TMF1: variants seen among roughly 807,000 people sequenced by gnomAD.
TMF1 encodes the protein TATA element modulatory factor.
In TMF1, 71 loss-of-function variants were observed where a neutral mutation model predicts 126.5. The observed-to-expected ratio is 0.56, with a 90% CI of 0.46 to 0.68. The LOEUF is 0.68. TMF1 is among the 30% of genes least tolerant of loss of function. The pLI is 0.00. For missense variants in TMF1, 1,259 were observed against 1,253.2 expected (o/e 1.00, Z -0.07); for synonymous variants, 461 against 430.5 (o/e 1.07, Z -0.88).
rs1161056520 is a variant in TMF1 at position 69,038,560 on chromosome 3, T to C, written c.2151+4A>G. On this transcript the variant is annotated splice_donor_region_variant and intron_variant, in intron 8 of 16. Transcript: ENST00000398559. Reference sequence around the variant, plus strand: ...ACTACTCTAATTCATCATCCATTGCTTACTTGAATGGCTAATGTTTCTTGC... The same window carrying C: ...ACTACTCTAATTCATCATCCATTGCCTACTTGAATGGCTAATGTTTCTTGC... 3.7e-6 allele frequency: 6 copies of C among 1,610,866 alleles called. No homozygotes were observed. The highest frequency in any genetic ancestry group is 5.1e-6 in the Non-Finnish European group (6 of 1,179,100).
At chr3:69,025,934 A>G in intron 14 of TMF1, 62 bp downstream of exon 14, 1 of 1,395,002 alleles carries the variant, frequency 7.2e-7, no homozygotes, top group South Asian at 1.2e-5. Context: ...CAATATTGCC[A>G]TTTGCATATT....
At chr3:69,023,739 C>T (rs536183529) in intron 16 of TMF1, among the ~76,000 whole-genome samples, 1 of 152,218 alleles carries the variant, frequency 6.6e-6, no homozygotes, top group East Asian at 1.9e-4. Flanking sequence ...CCAGATGAGA[C>T]AATTGTGATG....
chr3:69,024,022 T>TCTTA (rs775898011), intron 16 of TMF1, 33 bp downstream of exon 16: 1 of 1,576,024 alleles, frequency 6.3e-7, no homozygotes, highest in South Asian at 1.2e-5. Flanking sequence ...AACTAAAATA[T>TCTTA]CTTAGACTCA....
chr3:69,047,860 G>T lies in TMF1; in HGVS notation c.845C>A (p.Ser282Ter). ...SASSRQETTD[S>*]KSSLHLMQTS... ...CTGCATCAAGTGAAGACTTGATTTTGAATCTGTAGTCTCTTGTCTCGAGCT... is the reference window on the plus strand; with the variant it reads ...CTGCATCAAGTGAAGACTTGATTTTTAATCTGTAGTCTCTTGTCTCGAGCT... Residue 282 changes from serine (S) to a stop codon, truncating the protein, a stop_gained, in exon 2 of 17, where the codon TCA becomes TAA. Transcript: ENST00000398559. LOFTEE classifies it high-confidence loss of function. 6.2e-7 allele frequency: 1 copy of T among 1,613,954 alleles called. No homozygotes were observed. Among genetic ancestry groups the T allele is most frequent in the South Asian group, 1.1e-5 (1 of 91,050 alleles).
In TMF1 at chr3:69,021,990, G is replaced by T. The variant is rs1371875988; in HGVS notation, c.*1187C>A. On this transcript the variant is annotated 3_prime_UTR_variant, in exon 17 of 17. Coordinates refer to ENST00000398559, the MANE Select transcript of TMF1 (RefSeq NM_007114.3). ...TGAGCCACAGCACCTGGCCGTAAAT[G>T]AGAGTTTTTATGTGCAAGTAAAGGC... The T allele has an allele frequency of 2.0e-5, 3 of 152,502 alleles. No homozygotes were observed. The highest frequency in any genetic ancestry group is 4.4e-5 in the Non-Finnish European group (3 of 68,014). The allele number at this position is 152,502 out of a possible 1,614,324, so 9.4% of individuals were successfully genotyped here.
At position 69,048,400 on chromosome 3, in the gene TMF1, G is replaced by A. The variant is rs373570693; in HGVS notation, c.305C>T (p.Ser102Leu). The change falls in exon 2 of 17, where the codon TCG becomes TTG. Residue 102 changes from serine to leucine, a missense_variant. Transcript: ENST00000398559. ...CTGAATGGTCTGGACATCAGTTGGC[G>A]AGAGAAAGGCACTGAAGAAATTTTC... ...ESENFFSAFLSPTDVQTIQKS... is the reference protein window; with the variant it reads ...ESENFFSAFLLPTDVQTIQKS... 57 of 1,614,130 alleles carry A rather than the reference G, an allele frequency of 3.5e-5. 1 individual carries two copies. Among genetic ancestry groups the A allele is most frequent in the Middle Eastern group, 1.6e-4 (1 of 6,062 alleles).
intron 15 of TMF1, 86 bp from the exon 16 acceptor site, chr3:69,024,266 T>G (rs980883093): frequency 3.4e-5 from 41 of 1,192,472 alleles, no homozygotes; most frequent in Middle Eastern, 4.3e-4. Flanking sequence ...AATGTGTGTG[T>G]GGTTTTTTTT....
Position 69,044,397 on chromosome 3 carries a change from A to G in TMF1, c.1451+95T>C, listed in dbSNP as rs895160516. ...CAACTTTCAATAATGATAAAATTAC[A>G]AAACATTTTAATTTCAAAAACATTC... On this transcript the variant is annotated intron_variant, in intron 3 of 16. Coordinates refer to ENST00000398559, the MANE Select transcript of TMF1 (RefSeq NM_007114.3). 18 of 652,168 alleles carry G rather than the reference A, an allele frequency of 2.8e-5. No individual in the cohort carries two copies. The African/African-American group carries it at 2.8e-4, about 10-fold the overall frequency. 40.4% of individuals were successfully genotyped at this position (652,168 alleles called of 1,614,324 possible).
chr3:69,023,126 T>G lies in TMF1; in HGVS notation c.*51A>C. The G allele has an allele frequency of 3.3e-6, 5 of 1,500,166 alleles. No homozygotes were observed. The highest frequency in any genetic ancestry group is 4.6e-6 in the Non-Finnish European group (5 of 1,094,446). The allele number at this position is 1,500,166 out of a possible 1,614,324, so 92.9% of individuals were successfully genotyped here. ...TTTATTGGAAGTCCACATTAAATGT[T>G]TAGATATTAAATGCTTACATTCAGT... On this transcript the variant is annotated 3_prime_UTR_variant, in exon 17 of 17. Coordinates refer to ENST00000398559, the MANE Select transcript of TMF1 (RefSeq NM_007114.3).
At chr3:69,046,972 A>T (rs1008822097) in intron 2 of TMF1, among the ~76,000 whole-genome samples, 3 of 152,230 alleles carry the variant, frequency 2.0e-5, no homozygotes, top group Non-Finnish European at 4.4e-5. Flanking sequence ...GAAAAACCAT[A>T]ACATTTAGTT....
At chr3:69,030,586 G>A (rs1488231538) in intron 10 of TMF1, 1 of 151,944 alleles carries the variant, frequency 6.6e-6, no homozygotes, top group African/African-American at 2.4e-5. Context: ...ATTAGTATCA[G>A]GAATATATAA....
intron 2 of TMF1, among the ~76,000 whole-genome samples, chr3:69,046,064 G>A (rs1029618398): frequency 6.6e-6 from 1 of 151,996 alleles, no homozygotes; most frequent in East Asian, 1.9e-4. Context: ...AGCCGCGATC[G>A]CACCACTGCA....
chr3:69,024,158 T>G lies in TMF1; in HGVS notation c.3035A>C (p.Lys1012Thr), dbSNP rs2091753738. The G allele has an allele frequency of 1.2e-6, 2 of 1,606,638 alleles. No homozygotes were observed. Among genetic ancestry groups the G allele is most frequent in the East Asian group, 4.5e-5 (2 of 44,550 alleles). The change falls in exon 16 of 17, where the codon AAA becomes ACA. Residue 1012 changes from lysine to threonine, a missense_variant. Lys to Thr is a moderately conservative substitution (Grantham distance 78, BLOSUM62 -1). Transcript: ENST00000398559. ...TTCTTCAGCCATTATTGATCGAGTT[T>G]TTTCTAGATTGCCAATTTCTAGCTG... ...HLQLEIGNLE[K>T]TRSIMAEELV...
chr3:69,024,229 A>C (rs769314463), intron 15 of TMF1, 49 bp from the exon 16 acceptor site: 1 of 1,484,040 alleles, frequency 6.7e-7, no homozygotes, highest in African/African-American at 1.4e-5. Context: ...TATCTTTTTT[A>C]ATACTCCCAG....
At position 69,021,295 on chromosome 3, in the gene TMF1, C is replaced by G. The variant is rs1228597571; in HGVS notation, c.*1882G>C. ...TACTATCCATGGTTTCAGACGTTCA[C>G]TGGGGGTCTTGGAACGTATGTCCCA... is the stretch of plus-strand genomic sequence containing the variant. On this transcript the variant is annotated 3_prime_UTR_variant, in exon 17 of 17. Transcript: ENST00000398559. The G allele has an allele frequency of 6.6e-6, 1 of 152,546 alleles. No individual in the cohort carries two copies. The highest frequency in any genetic ancestry group is 1.9e-4 in the East Asian group (1 of 5,184). The allele number at this position is 152,546 out of a possible 1,614,324, so 9.4% of individuals were successfully genotyped here. A position where few individuals can be genotyped will look rare whatever the true frequency, so the allele number is the denominator to read the frequency against.
intron 13 of TMF1, among the ~76,000 whole-genome samples, chr3:69,026,524 T>TGAGGTTGCGGTGAGCC (rs1265998118): frequency 2.0e-5 from 3 of 151,772 alleles, no homozygotes; most frequent in Non-Finnish European, 4.4e-5. Flanking sequence ...ACCTGGGAGG[T>TGAGGTTGCGGTGAGCC]GAGGTTGCGG....
chr3:69,037,607 A>G (rs578060408), intron 8 of TMF1, among the ~76,000 whole-genome samples: 2 of 152,188 alleles, frequency 1.3e-5, no homozygotes, highest in South Asian at 4.1e-4. Flanking sequence ...GCGCTATTGC[A>G]CTCCAGCCTG....
chr3:69,038,487 A>G (rs2091844837), intron 8 of TMF1, 77 bp downstream of exon 8: 1 of 1,490,152 alleles, frequency 6.7e-7, no homozygotes, highest in African/African-American at 1.4e-5. Flanking sequence ...GTTTGATTCA[A>G]ACCAGCTAAT....
Position 69,025,637 on chromosome 3 carries a change from T to TC in TMF1, c.2934dup (p.Met979AspfsTer9). On this transcript the variant is annotated frameshift_variant, in exon 15 of 17. Coordinates refer to ENST00000398559, the MANE Select transcript of TMF1 (RefSeq NM_007114.3). LOFTEE classifies it high-confidence loss of function. Reference sequence around the variant, plus strand: ...TCAATTATGCTTGATCCTGCTCCCATCCTTACAGCATCATAAAGATTGCTT... The same window carrying TC: ...TCAATTATGCTTGATCCTGCTCCCATCCCTTACAGCATCATAAAGATTGCTT... The TC allele has an allele frequency of 6.2e-7, 1 of 1,614,090 alleles. No homozygotes were observed. The highest frequency in any genetic ancestry group is 8.5e-7 in the Non-Finnish European group (1 of 1,179,948).
Sources: gnomAD v4.1 joint callset for allele counts (sites outside exome capture counted in the v4.1 genomes callset) on GRCh38, gnomAD v4.1.1 for gene constraint, MANE v1.5 for transcripts, NCBI Gene and HGNC (gene_info 2026-07-23, HGNC 2026-07-21) for gene names.